Variants in SPPL3 observed in about 807,000 individuals in gnomAD.
The protein encoded by SPPL3 is signal peptide peptidase like 3.
In SPPL3, 5 loss-of-function variants were observed where a neutral mutation model predicts 42.4. That is an observed-to-expected ratio of 0.12 (90% confidence interval 0.06 to 0.25). SPPL3 has a LOEUF of 0.25. Among genes scored for constraint, SPPL3 ranks in the 10% least tolerant of loss-of-function variants. The probability of loss-of-function intolerance (pLI) is 1.00; values close to 1 mark genes in which losing one functional copy is unlikely to be tolerated. For synonymous variants in SPPL3, 195 were observed against 181.8 expected (o/e 1.07, Z -0.58); for missense variants, 235 against 489.0 (o/e 0.48, Z 4.90).
At chr12:120,887,174 T>C (rs570804347) in intron 1 of SPPL3, among the ~76,000 whole-genome samples, 1 of 152,176 alleles carries the variant, frequency 6.6e-6, no homozygotes, top group African/African-American at 2.4e-5. Flanking sequence ...GGTCTCGAAC[T>C]CCTGACCTCA....
intron 1 of SPPL3, 113 bp downstream of exon 1, chr12:120,903,732 G>GCCCCCCCCCCCCCGCCC (rs71076684): frequency 2.6e-6 from 1 of 378,136 alleles, no homozygotes; most frequent in Non-Finnish European, 4.4e-6. Flanking sequence ...CCCAACCCGC[G>GCCCCCCCCCCCCCGCCC]CCCCCCCCCC....
chr12:120,787,348 G>A (rs531503770), intron 3 of SPPL3, among the ~76,000 whole-genome samples: 12 of 152,280 alleles, frequency 7.9e-5, no homozygotes, highest in Non-Finnish European at 1.8e-4. Context: ...TAATTGGGCA[G>A]GGGTGTACAT....
At chr12:120,841,935 A>G (rs1592990185) in intron 1 of SPPL3, among the ~76,000 whole-genome samples, 1 of 152,304 alleles carries the variant, frequency 6.6e-6, no homozygotes, top group East Asian at 1.9e-4. Context: ...ATTGGCTTGT[A>G]TATTTAAGTG....
chr12:120,796,484 TG>T (rs1679063459), intron 2 of SPPL3, among the ~76,000 whole-genome samples: 1 of 152,250 alleles, frequency 6.6e-6, no homozygotes, highest in Non-Finnish European at 1.5e-5. Context: ...GTGTCAGTTC[TG>T]GGTCAGTTTT....
chr12:120,807,849 T>A (rs1870550904), intron 2 of SPPL3, among the ~76,000 whole-genome samples: 1 of 152,070 alleles, frequency 6.6e-6, no homozygotes, highest in African/African-American at 2.4e-5. Flanking sequence ...ATCTCTTCCA[T>A]AAAACAGAAG....
chr12:120,810,876 G>A lies in SPPL3; in HGVS notation c.34C>T (p.Leu12=), dbSNP rs747766657. 27 of 1,612,750 alleles carry A rather than the reference G, an allele frequency of 1.7e-5. No homozygotes were observed. Among genetic ancestry groups the A allele is most frequent in the Admixed American group, 3.3e-5 (2 of 59,986 alleles). The change falls in exon 2 of 11, where the codon CTG becomes TTG. Residue 12 remains leucine (L), a synonymous_variant. Coordinates refer to ENST00000353487, the MANE Select transcript of SPPL3 (RefSeq NM_139015.5). ...AEQTYSWAYS[L]VDSSQVSTFL... is the part of the protein sequence containing the mutation. ...GTAGACACTTGACTGGAATCCACCA[G>A]GGAATAGGCCCTAGAGAAATAAGAG...
Position 120,773,838 on chromosome 12 carries a change from A to G in SPPL3, c.503-4779T>C, listed in dbSNP as rs565344071. 1.7e-4 allele frequency among the ~76,000 whole-genome samples: 26 copies of G among 152,324 alleles called. No individual in the cohort carries two copies. The East Asian group carries it at 4.8e-3, about 28-fold the overall frequency. The stretch of plus-strand genomic sequence containing the variant: ...AGGCTGGTCTTGAACTACTAACTTC[A>G]GGTGATCCACCTGCCTCAGCCTCCC... On this transcript the variant is annotated intron_variant, in intron 6 of 10. Coordinates refer to ENST00000353487, the MANE Select transcript of SPPL3 (RefSeq NM_139015.5).
At chr12:120,828,372 TAA>T (rs1480546760) in intron 1 of SPPL3, among the ~76,000 whole-genome samples, 3 of 143,644 alleles carry the variant, frequency 2.1e-5, no homozygotes, top group African/African-American at 7.7e-5. Flanking sequence ...TACTGGAAAA[TAA>T]AAAAAGGTTC....
intron 1 of SPPL3, among the ~76,000 whole-genome samples, chr12:120,831,600 A>G (rs1871428160): frequency 6.6e-6 from 1 of 152,186 alleles, no homozygotes; most frequent in African/African-American, 2.4e-5. Context: ...TATCTCTAAT[A>G]CAGCTTTCCC....
chr12:120,805,876 TTAAAGAATATCTAAATAAAC>T lies in SPPL3; in HGVS notation c.101+4913_101+4932del, dbSNP rs1870471498. ...TTAAAGAATATCTAAAACATCTAAA[TTAAAGAATATCTAAATAAAC>T]GGAGACACATTCCACATCCATGGAT... On this transcript the variant is annotated intron_variant, in intron 2 of 10. Transcript: ENST00000353487. 2.0e-5 allele frequency among the ~76,000 whole-genome samples: 3 copies of T among 152,136 alleles called. No individual in the cohort carries two copies. The South Asian group carries it at 6.2e-4, about 32-fold the overall frequency.
intron 1 of SPPL3, among the ~76,000 whole-genome samples, chr12:120,883,429 A>G (rs2137059504): frequency 6.6e-6 from 1 of 152,356 alleles, no homozygotes; most frequent in South Asian, 2.1e-4. Context: ...GACTATCTTC[A>G]AGACTTCAGG....
Position 120,764,656 on chromosome 12 carries a change from C to G in SPPL3, c.*343G>C, listed in dbSNP as rs1868811237. On this transcript the variant is annotated 3_prime_UTR_variant, in exon 11 of 11. Coordinates refer to ENST00000353487, the MANE Select transcript of SPPL3 (RefSeq NM_139015.5). ...TTAGTGTTCAAAAGTTCTAGAAAGA[C>G]TCCTCGCTGTTTTCAGTTTTTAAAC... The G allele has an allele frequency of 2.5e-6, 1 of 393,186 alleles. No homozygotes were observed. The highest frequency in any genetic ancestry group is 4.4e-5 in the Admixed American group (1 of 22,608). 24.4% of individuals were successfully genotyped at this position (393,186 alleles called of 1,614,324 possible).
At chr12:120,845,104 C>G (rs183382833) in intron 1 of SPPL3, 1 of 389,382 alleles carries the variant, frequency 2.6e-6, no homozygotes, top group Non-Finnish European at 5.1e-6. Context: ...GGAGGGGTGT[C>G]GCATTCACTT....
intron 1 of SPPL3, among the ~76,000 whole-genome samples, chr12:120,838,249 T>C (rs769588509): frequency 4.6e-5 from 7 of 152,150 alleles, no homozygotes; most frequent in Non-Finnish European, 1.0e-4. Flanking sequence ...TCGAGTGCAG[T>C]GAATGCATAT....
intron 1 of SPPL3, among the ~76,000 whole-genome samples, chr12:120,812,362 C>T (rs1342537046): frequency 1.3e-5 from 2 of 152,114 alleles, no homozygotes; most frequent in Non-Finnish European, 2.9e-5. Flanking sequence ...CAACTCCTGA[C>T]CTCAAGCAAT....
intron 1 of SPPL3, among the ~76,000 whole-genome samples, chr12:120,885,377 A>G (rs948105254): frequency 1.3e-5 from 2 of 152,160 alleles, no homozygotes; most frequent in South Asian, 4.1e-4. Context: ...AAATCAGTGA[A>G]CTCACAAATG....
chr12:120,765,158 C>G, intron 10 of SPPL3, 88 bp from the exon 11 acceptor site: 2 of 1,310,786 alleles, frequency 1.5e-6, no homozygotes, highest in Non-Finnish European at 2.1e-6. Context: ...AATTTTTTTT[C>G]CAGGTATGAA....
intron 1 of SPPL3, among the ~76,000 whole-genome samples, chr12:120,824,145 T>C (rs519510): frequency 0.96 from 146,495 of 152,190 alleles, 70,764 homozygotes; most frequent in East Asian, 1. Flanking sequence ...GCTAGGATTA[T>C]AGGCGTGAGC....
At chr12:120,801,886 T>C (rs1199869569) in intron 2 of SPPL3, among the ~76,000 whole-genome samples, 3 of 152,188 alleles carry the variant, frequency 2.0e-5, no homozygotes, top group Non-Finnish European at 4.4e-5. Context: ...TTAAATTGGG[T>C]GTAAGTATAA....
Sources: gnomAD v4.1 joint callset for allele counts (sites outside exome capture counted in the v4.1 genomes callset) on GRCh38, gnomAD v4.1.1 for gene constraint, MANE v1.5 for transcripts, NCBI Gene and HGNC (gene_info 2026-07-23, HGNC 2026-07-21) for gene names.